TRAPPC3: variants seen among roughly 807,000 people sequenced by gnomAD.
TRAPPC3 encodes trafficking protein particle complex subunit 3.
In TRAPPC3, 5 loss-of-function variants were observed where a neutral mutation model predicts 18.2. That is an observed-to-expected ratio of 0.28 (90% CI 0.14 to 0.58). The LOEUF (loss-of-function observed/expected upper bound fraction) is 0.58, where lower values mean the gene tolerates loss of function less well. Ranked by LOEUF, TRAPPC3 falls within the 20% of genes least tolerant of loss-of-function variation. The probability of loss-of-function intolerance (pLI) is 0.91; values close to 1 mark genes in which losing one functional copy is unlikely to be tolerated. For synonymous variants in TRAPPC3, 65 were observed against 84.2 expected (o/e 0.77, Z 1.25); for missense variants, 176 against 225.9 (o/e 0.78, Z 1.41).
chr1:36,139,697 G>T (rs1474683857), intron 3 of TRAPPC3, 23 bp downstream of exon 3: 1 of 1,613,718 alleles, frequency 6.2e-7, no homozygotes, highest in Admixed American at 1.7e-5. Context: ...CTTCAGCATG[G>T]ACAGGTGGCC....
In TRAPPC3 at chr1:36,137,010, C is replaced by G; in HGVS notation, c.*193G>C. The G allele has an allele frequency of 1.9e-6, 1 of 536,820 alleles. No individual in the cohort carries two copies. The highest frequency in any genetic ancestry group is 3.3e-5 in the Admixed American group (1 of 29,886). 33.3% of individuals were successfully genotyped at this position (536,820 alleles called of 1,614,324 possible). A position where few individuals can be genotyped will look rare whatever the true frequency, so the allele number is the denominator to read the frequency against. On this transcript the variant is annotated 3_prime_UTR_variant, in exon 5 of 5. Coordinates refer to ENST00000373166, the MANE Select transcript of TRAPPC3 (RefSeq NM_014408.5). Reference sequence around the variant, plus strand: ...GGGAATGGGGGCAGAGACTGTCGCTCCTGAATGTGCACACATGGGGTAAAT... The same window carrying G: ...GGGAATGGGGGCAGAGACTGTCGCTGCTGAATGTGCACACATGGGGTAAAT...
upstream of TRAPPC3, among the ~76,000 whole-genome samples, chr1:36,149,752 T>G (rs1211016059): frequency 1.3e-5 from 2 of 152,102 alleles, no homozygotes; most frequent in Non-Finnish European, 2.9e-5. Flanking sequence ...GCTTCCTCCT[T>G]GTCCCCCTCC....
At chr1:36,151,971 G>A (rs574234414), upstream of TRAPPC3, among the ~76,000 whole-genome samples, 5 of 152,284 alleles carry the variant, frequency 3.3e-5, no homozygotes, top group South Asian at 8.3e-4. Context: ...AGGAAGGCCG[G>A]TGCTGGTTAG....
intron 3 of TRAPPC3, chr1:36,138,194 C>A: frequency 6.5e-7 from 1 of 1,549,710 alleles, no homozygotes; most frequent in African/African-American, 1.4e-5. Context: ...TTGCCTGTCG[C>A]TTTGTTTTGT....
At position 36,140,500 on chromosome 1, in the gene TRAPPC3, G is replaced by A. The variant is rs756017148; in HGVS notation, c.43-334C>T. On this transcript the variant is annotated intron_variant, in intron 1 of 4. Transcript: ENST00000373166. ...CACCAGAATCTGGTATGGGAGCAAC[G>A]GTCATTCACTAGATGCTGTGAAACA... 8.5e-5 allele frequency: 19 copies of A among 223,546 alleles called. No homozygotes were observed. In the South Asian group the frequency reaches 8.7e-4, roughly 10 times the overall value. 13.8% of individuals were successfully genotyped at this position (223,546 alleles called of 1,614,324 possible). A position where few individuals can be genotyped will look rare whatever the true frequency, so the allele number is the denominator to read the frequency against.
chr1:36,149,657 G>C (rs1203658052), upstream of TRAPPC3: 1 of 550,028 alleles, frequency 1.8e-6, no homozygotes, highest in East Asian at 3.1e-5. Context: ...GCGCGCGCCT[G>C]CCTGGTAGAG....
chr1:36,151,053 C>A (rs1458910230), upstream of TRAPPC3, among the ~76,000 whole-genome samples: 4 of 152,146 alleles, frequency 2.6e-5, no homozygotes, highest in African/African-American at 9.7e-5. Flanking sequence ...GGAGGTGGAG[C>A]CTTTCCCTGC....
At chr1:36,145,648 A>T (rs1644183122) in intron 1 of TRAPPC3, among the ~76,000 whole-genome samples, 1 of 152,218 alleles carries the variant, frequency 6.6e-6, no homozygotes, top group Non-Finnish European at 1.5e-5. Flanking sequence ...TACTAATAAC[A>T]CATCTAGAGG....
upstream of TRAPPC3, among the ~76,000 whole-genome samples, chr1:36,152,263 C>G (rs897293120): frequency 6.6e-6 from 1 of 151,468 alleles, no homozygotes; most frequent in Non-Finnish European, 1.5e-5. Flanking sequence ...TTCTTCCCCT[C>G]GGGGAAACAG....
intron 1 of TRAPPC3, among the ~76,000 whole-genome samples, chr1:36,146,828 G>A (rs1644209302): frequency 2.0e-5 from 3 of 152,166 alleles, no homozygotes; most frequent in South Asian, 4.1e-4. Flanking sequence ...TAGGGACTAG[G>A]ACTTCATCCT....
At chr1:36,149,553 A>T (rs1644252262), upstream of TRAPPC3, 6 of 723,490 alleles carry the variant, frequency 8.3e-6, no homozygotes, top group South Asian at 3.3e-5. Context: ...GACGTGGGCA[A>T]CTCCCGCCCA....
chr1:36,146,078 TTTTTA>T (rs377468513), intron 1 of TRAPPC3, among the ~76,000 whole-genome samples: 342 of 151,804 alleles, frequency 2.3e-3, no homozygotes, highest in African/African-American at 7.9e-3. Flanking sequence ...GCACCCGGCC[TTTTTA>T]TTTTATTTAT....
intron 1 of TRAPPC3, among the ~76,000 whole-genome samples, chr1:36,146,986 G>A (rs1458075876): frequency 1.3e-5 from 2 of 152,200 alleles, no homozygotes; most frequent in East Asian, 3.8e-4. Context: ...TGAGCCGTTT[G>A]CTTGAGCCTG....
upstream of TRAPPC3, among the ~76,000 whole-genome samples, chr1:36,152,808 G>C (rs1436859207): frequency 6.6e-6 from 1 of 151,972 alleles, no homozygotes; most frequent in Non-Finnish European, 1.5e-5. Context: ...GCACCACGAT[G>C]CCTGGCTAAT....
At position 36,137,043 on chromosome 1, in the gene TRAPPC3, A is replaced by G. The variant is rs1465890158; in HGVS notation, c.*160T>C. 2.4e-6 allele frequency: 2 copies of G among 830,190 alleles called. No individual in the cohort carries two copies. Among genetic ancestry groups the G allele is most frequent in the African/African-American group, 1.7e-5 (1 of 59,202 alleles). The allele number at this position is 830,190 out of a possible 1,614,324, so 51.4% of individuals were successfully genotyped here. A position where few individuals can be genotyped will look rare whatever the true frequency, so the allele number is the denominator to read the frequency against. Reference sequence around the variant, plus strand: ...TGCACACATGGGGTAAATGGACTATATCGCAGTCTGCTCTTTATTTGAATG... The same window carrying G: ...TGCACACATGGGGTAAATGGACTATGTCGCAGTCTGCTCTTTATTTGAATG... On this transcript the variant is annotated 3_prime_UTR_variant, in exon 5 of 5. Coordinates refer to ENST00000373166, the MANE Select transcript of TRAPPC3 (RefSeq NM_014408.5).
intron 2 of TRAPPC3, 92 bp downstream of exon 2, chr1:36,139,977 G>C (rs774949357): frequency 9.6e-6 from 14 of 1,461,206 alleles, no homozygotes; most frequent in African/African-American, 1.4e-5. Flanking sequence ...CTAAGAAAGA[G>C]AGAGAACCCT....
chr1:36,140,443 C>T (rs375966178), intron 1 of TRAPPC3: 1 of 305,400 alleles, frequency 3.3e-6, no homozygotes, highest in Non-Finnish European at 6.0e-6. Flanking sequence ...CAACCCAAGT[C>T]TCCACCACAG....
chr1:36,154,622 G>C (rs143580565), intron 1 of TRAPPC3, among the ~76,000 whole-genome samples: 2 of 152,038 alleles, frequency 1.3e-5, no homozygotes, highest in African/African-American at 4.8e-5. Context: ...TCTGCTCCTC[G>C]TCCTTCCACT....
At position 36,139,904 on chromosome 1, in the gene TRAPPC3, T is replaced by A. The variant is rs181639329; in HGVS notation, c.141-85A>T. 5,617 of 1,564,902 alleles carry A rather than the reference T, an allele frequency of 3.6e-3. 9 individuals are homozygous for A. The highest frequency in any genetic ancestry group is 4.0e-3 in the Non-Finnish European group (4,658 of 1,151,938). On this transcript the variant is annotated intron_variant, in intron 2 of 4. Transcript: ENST00000373166. ...AAGGTTGTTGGTGGTAAAGGGAAAA[T>A]GGGGATAATCTCAAAAACATCCCAG...
Sources: allele counts gnomAD v4.1 joint callset (sites outside exome capture counted in the v4.1 genomes callset), GRCh38; gene constraint gnomAD v4.1.1; transcripts MANE v1.5; gene names NCBI Gene and HGNC (gene_info 2026-07-23, HGNC 2026-07-21).